Variants in PRKG1 observed in about 807,000 individuals in gnomAD.
The protein encoded by PRKG1 is cGMP-dependent protein kinase 1.
PRKG1 carries 35 observed loss-of-function variants against 88.1 expected under a neutral mutation model. That is an observed-to-expected ratio of 0.40 (90% confidence interval 0.30 to 0.53). The LOEUF is 0.53. PRKG1 is among the 20% of genes least tolerant of loss of function. The probability of loss-of-function intolerance (pLI) is 0.59; values close to 1 mark genes in which losing one functional copy is unlikely to be tolerated. For missense variants in PRKG1, 540 were observed against 839.8 expected (o/e 0.64, Z 4.41); for synonymous variants, 303 against 292.5 (o/e 1.04, Z -0.37).
At chr10:51,187,790 A>G (rs1837530569) in intron 2 of PRKG1, among the ~76,000 whole-genome samples, 1 of 152,032 alleles carries the variant, frequency 6.6e-6, no homozygotes, top group African/African-American at 2.4e-5. Context: ...AGAATGAACA[A>G]TAGGAATTCT....
intron 1 of PRKG1, among the ~76,000 whole-genome samples, chr10:51,136,443 G>T (rs1427191745): frequency 2.0e-5 from 3 of 151,990 alleles, no homozygotes; most frequent in Non-Finnish European, 4.4e-5. Context: ...TATCTCAGGA[G>T]AATATGTTAA....
At chr10:51,145,369 C>T (rs974919411) in intron 1 of PRKG1, among the ~76,000 whole-genome samples, 7 of 151,980 alleles carry the variant, frequency 4.6e-5, no homozygotes, top group Admixed American at 2.0e-4. Flanking sequence ...CAGTTATTAC[C>T]CTGTTTTGCT....
intron 5 of PRKG1, among the ~76,000 whole-genome samples, chr10:52,048,823 C>T (rs1436616429): frequency 6.6e-6 from 1 of 152,106 alleles, no homozygotes; most frequent in Non-Finnish European, 1.5e-5. Flanking sequence ...CTCCTAATCT[C>T]TGATTTATAA....
chr10:51,690,337 A>G lies in PRKG1; in HGVS notation c.593-114248A>G, dbSNP rs912826979. The stretch of plus-strand genomic sequence containing the variant: ...ATTTGGGTGGGGACACATCCAAACT[A>G]TATCAGGGCTATATAGGACACATAA... On this transcript the variant is annotated intron_variant, in intron 3 of 17. Coordinates refer to ENST00000373980, the MANE Select transcript of PRKG1 (RefSeq NM_006258.4). Among the ~76,000 whole-genome samples the G allele has an allele frequency of 3.3e-5, 5 of 151,962 alleles. No individual in the cohort carries two copies. In the East Asian group the frequency reaches 5.8e-4, roughly 18 times the overall value.
rs1259598342 is a variant in PRKG1 at position 51,280,505 on chromosome 10, AC to A, written c.478+127177del. ...CATTCTGCCCGTCACTTTCAGGTAC[AC>A]CAATCAGATGTAGGTTTGGTCTTTT... On this transcript the variant is annotated intron_variant, in intron 2 of 17. Coordinates refer to ENST00000373980, the MANE Select transcript of PRKG1 (RefSeq NM_006258.4). Among the ~76,000 whole-genome samples the A allele has an allele frequency of 2.6e-5, 4 of 152,192 alleles. No homozygotes were observed. In the East Asian group the frequency reaches 7.7e-4, roughly 29 times the overall value.
chr10:51,890,427 C>T (rs1177726731), intron 4 of PRKG1, among the ~76,000 whole-genome samples: 1 of 152,110 alleles, frequency 6.6e-6, no homozygotes, highest in African/African-American at 2.4e-5. Flanking sequence ...TGTCACTTGA[C>T]TGCAAAAATC....
chr10:52,145,327 G>T (rs1837701525), intron 8 of PRKG1, among the ~76,000 whole-genome samples: 1 of 152,020 alleles, frequency 6.6e-6, no homozygotes, highest in South Asian at 2.1e-4. Context: ...TATAAAACTT[G>T]TTATTTAGAA....
intron 3 of PRKG1, among the ~76,000 whole-genome samples, chr10:51,492,338 T>A (rs974552777): frequency 6.6e-6 from 1 of 152,126 alleles, no homozygotes; most frequent in African/African-American, 2.4e-5. Context: ...GAAGAAATAT[T>A]AATCTTATTA....
At chr10:51,541,214 C>T (rs571469769) in intron 3 of PRKG1, among the ~76,000 whole-genome samples, 1 of 152,138 alleles carries the variant, frequency 6.6e-6, no homozygotes. Context: ...ACCTAGATCC[C>T]TCACATGCAC....
intron 5 of PRKG1, among the ~76,000 whole-genome samples, chr10:52,019,327 A>G (rs994581184): frequency 6.6e-6 from 1 of 152,198 alleles, no homozygotes; most frequent in African/African-American, 2.4e-5. Flanking sequence ...ACCCTCTTAC[A>G]GAGACTAGGA....
At chr10:51,815,638 A>G (rs186320316) in intron 4 of PRKG1, among the ~76,000 whole-genome samples, 46 of 152,328 alleles carry the variant, frequency 3.0e-4, no homozygotes, top group South Asian at 8.3e-4. Context: ...TCAGTTTAAA[A>G]AAAGCATGAG....
chr10:51,203,828 C>T (rs1471666891), intron 2 of PRKG1, among the ~76,000 whole-genome samples: 3 of 152,184 alleles, frequency 2.0e-5, no homozygotes, highest in East Asian at 3.9e-4. Context: ...GATATTTCCT[C>T]CTCAGGGACA....
intron 1 of PRKG1, among the ~76,000 whole-genome samples, chr10:51,037,461 T>TAA (rs960032164): frequency 6.6e-6 from 1 of 151,664 alleles, no homozygotes; most frequent in Admixed American, 6.6e-5. Context: ...AAATCCTTTC[T>TAA]AAAAAAACAA....
intron 3 of PRKG1, among the ~76,000 whole-genome samples, chr10:51,554,912 T>C (rs1837271546): frequency 6.6e-6 from 1 of 152,006 alleles, no homozygotes; most frequent in Non-Finnish European, 1.5e-5. Context: ...TGGGTTGTTG[T>C]AACTGTTAAG....
intron 3 of PRKG1, among the ~76,000 whole-genome samples, chr10:51,764,686 A>G (rs1838109992): frequency 6.6e-6 from 1 of 152,086 alleles, no homozygotes; most frequent in Non-Finnish European, 1.5e-5. Flanking sequence ...CTATTTCCTA[A>G]AGTAAGAATT....
intron 5 of PRKG1, among the ~76,000 whole-genome samples, chr10:51,955,028 C>A (rs369528041): frequency 6.6e-6 from 1 of 151,370 alleles, no homozygotes; most frequent in Non-Finnish European, 1.5e-5. Context: ...ATATTTCTTA[C>A]ATCTATCACT....
intron 9 of PRKG1, among the ~76,000 whole-genome samples, chr10:52,202,819 G>T (rs1158923108): frequency 2.0e-5 from 3 of 152,078 alleles, no homozygotes; most frequent in Admixed American, 6.5e-5. Flanking sequence ...TTGCATAGAG[G>T]TGTTATAATA....
chr10:51,176,310 T>A (rs7100315), intron 2 of PRKG1, among the ~76,000 whole-genome samples: 1 of 152,044 alleles, frequency 6.6e-6, no homozygotes. Flanking sequence ...TTTCAAACCC[T>A]GTTCTCTTTG....
At chr10:51,001,075 C>T (rs1842883833) in intron 1 of PRKG1, among the ~76,000 whole-genome samples, 1 of 152,178 alleles carries the variant, frequency 6.6e-6, no homozygotes, top group African/African-American at 2.4e-5. Context: ...AAATTGCTCA[C>T]ATTAATACAT....
Sources: allele counts gnomAD v4.1 joint callset (sites outside exome capture counted in the v4.1 genomes callset), GRCh38; gene constraint gnomAD v4.1.1; transcripts MANE v1.5; gene names NCBI Gene and HGNC (gene_info 2026-07-23, HGNC 2026-07-21).